The following KCNK9 variants were observed in gnomAD, a reference collection of about 807,000 sequenced individuals.
KCNK9 encodes potassium channel subfamily K member 9.
KCNK9 carries 1 observed loss-of-function variant against 10.8 expected under a neutral mutation model. The ratio of observed to expected loss-of-function variants is 0.09; its 90% CI spans 0.03 to 0.44. The LOEUF (loss-of-function observed/expected upper bound fraction) is 0.44, where lower values mean the gene tolerates loss of function less well. KCNK9 is among the 20% of genes least tolerant of loss of function. The probability of loss-of-function intolerance (pLI) is 0.97; values close to 1 mark genes in which losing one functional copy is unlikely to be tolerated. For synonymous variants in KCNK9, 231 were observed against 222.7 expected (o/e 1.04, Z -0.33); for missense variants, 303 against 515.0 (o/e 0.59, Z 3.98).
intron 1 of KCNK9, among the ~76,000 whole-genome samples, chr8:139,626,391 C>A (rs1814976689): frequency 6.6e-6 from 1 of 152,188 alleles, no homozygotes; most frequent in African/African-American, 2.4e-5. Flanking sequence ...AATGCCCAGG[C>A]CATTACCCCG....
At chr8:139,602,325 T>A (rs1221136688) in intron 2 of KCNK9, among the ~76,000 whole-genome samples, 1 of 152,228 alleles carries the variant, frequency 6.6e-6, no homozygotes, top group African/African-American at 2.4e-5. Context: ...GAAAACGGAT[T>A]GATCAGATTT....
chr8:139,604,892 A>G (rs1009057198), intron 2 of KCNK9, among the ~76,000 whole-genome samples: 1 of 152,096 alleles, frequency 6.6e-6, no homozygotes, highest in Non-Finnish European at 1.5e-5. Flanking sequence ...ACCTGTGGCC[A>G]TGGTCTGCTT....
chr8:139,682,241 T>G (rs1161229074), intron 1 of KCNK9, among the ~76,000 whole-genome samples: 1 of 152,192 alleles, frequency 6.6e-6, no homozygotes, highest in Non-Finnish European at 1.5e-5. Flanking sequence ...GTGAAAGCTG[T>G]CCCATTTCCA....
intron 1 of KCNK9, among the ~76,000 whole-genome samples, chr8:139,679,211 G>A (rs1473178017): frequency 6.6e-6 from 1 of 152,242 alleles, no homozygotes; most frequent in African/African-American, 2.4e-5. Context: ...GCCTATGGAA[G>A]TGATGCCAGG....
chr8:139,652,641 G>A (rs1815902977), intron 1 of KCNK9, among the ~76,000 whole-genome samples: 1 of 152,306 alleles, frequency 6.6e-6, no homozygotes, highest in South Asian at 2.1e-4. Context: ...ATGGTTATTT[G>A]TTCTGCCTTC....
chr8:139,603,113 G>A (rs191825071), intron 2 of KCNK9, among the ~76,000 whole-genome samples: 1 of 152,164 alleles, frequency 6.6e-6, no homozygotes, highest in African/African-American at 2.4e-5. Flanking sequence ...ACATGATGGA[G>A]GAACAAACCA....
chr8:139,681,620 G>T (rs1383877909), intron 1 of KCNK9, among the ~76,000 whole-genome samples: 1 of 152,222 alleles, frequency 6.6e-6, no homozygotes, highest in Non-Finnish European at 1.5e-5. Context: ...GTGCTGAGGG[G>T]CTGCAGGTGG....
downstream of KCNK9, among the ~76,000 whole-genome samples, chr8:139,613,315 T>C (rs190554506): frequency 6.6e-6 from 1 of 152,152 alleles, no homozygotes; most frequent in Non-Finnish European, 1.5e-5. Flanking sequence ...ACATAGAAGG[T>C]CAGTGTGGGG....
chr8:139,600,980 A>T (rs1043330475), downstream of KCNK9: 1 of 152,146 alleles, frequency 6.6e-6, no homozygotes, highest in African/African-American at 2.4e-5. Context: ...CAGCGAGGGT[A>T]AGCAGCAGGA....
intron 1 of KCNK9, among the ~76,000 whole-genome samples, chr8:139,671,251 C>T (rs1816419294): frequency 6.6e-6 from 1 of 152,324 alleles, no homozygotes; most frequent in Non-Finnish European, 1.5e-5. Context: ...GGCACATCCC[C>T]CTTTCTTTCC....
chr8:139,656,763 G>A (rs1489892131), intron 1 of KCNK9, among the ~76,000 whole-genome samples: 1 of 151,872 alleles, frequency 6.6e-6, no homozygotes, highest in African/African-American at 2.4e-5. Flanking sequence ...GCCTAGCCCA[G>A]GCCACCGTGA....
chr8:139,604,121 C>A (rs1378721878), intron 2 of KCNK9, among the ~76,000 whole-genome samples: 1 of 152,214 alleles, frequency 6.6e-6, no homozygotes, highest in Non-Finnish European at 1.5e-5. Flanking sequence ...GAGAAGGATG[C>A]AAGAGCCTCC....
intron 1 of KCNK9, among the ~76,000 whole-genome samples, chr8:139,648,341 A>T (rs915641975): frequency 6.6e-6 from 1 of 152,208 alleles, no homozygotes; most frequent in Non-Finnish European, 1.5e-5. Flanking sequence ...TTGGAACTAC[A>T]CAGAGGTGAT....
At chr8:139,666,422 GT>G (rs1816302228) in intron 1 of KCNK9, among the ~76,000 whole-genome samples, 1 of 152,256 alleles carries the variant, frequency 6.6e-6, no homozygotes, top group Non-Finnish European at 1.5e-5. Flanking sequence ...AGCCTCTCGG[GT>G]TTAAATGAGT....
chr8:139,668,778 A>AT (rs1816359796), intron 1 of KCNK9, among the ~76,000 whole-genome samples: 1 of 152,142 alleles, frequency 6.6e-6, no homozygotes, highest in Non-Finnish European at 1.5e-5. Context: ...GACTCCCTTT[A>AT]TTGCAATCTT....
In KCNK9 at chr8:139,702,705, C is replaced by T. The variant is rs774239752; in HGVS notation, c.283+5G>A. 6 of 1,606,220 alleles carry T rather than the reference C, an allele frequency of 3.7e-6. No individual in the cohort carries two copies. Among genetic ancestry groups the T allele is most frequent in the South Asian group, 1.1e-5 (1 of 90,490 alleles). On this transcript the variant is annotated splice_donor_5th_base_variant and intron_variant, in intron 1 of 1. Transcript: ENST00000520439. The surrounding 1 kb of genome is among the most constrained non-coding windows in gnomAD (Gnocchi z 7.5). The stretch of plus-strand genomic sequence containing the variant: ...CGGGAGCCCAGCGGCGCGCCCAGCC[C>T]TTACCTATGGTGGTGATGACCGTGA...
At position 139,617,924 on chromosome 8, in the gene KCNK9, C is replaced by A. The variant is rs1814650075; in HGVS notation, c.*334G>T. The stretch of plus-strand genomic sequence containing the variant: ...TCAGCTCTGTCTCCGTGGTCTTGGT[C>A]TCACATCTGTCCCGGGAAAACCACT... On this transcript the variant is annotated 3_prime_UTR_variant, in exon 2 of 2. Coordinates refer to ENST00000520439, the MANE Select transcript of KCNK9 (RefSeq NM_001282534.2). 8.4e-6 allele frequency: 3 copies of A among 355,124 alleles called. No homozygotes were observed. Among genetic ancestry groups the A allele is most frequent in the Non-Finnish European group, 1.6e-5 (3 of 187,088 alleles). The allele number at this position is 355,124 out of a possible 1,614,324, so 22.0% of individuals were successfully genotyped here. A position where few individuals can be genotyped will look rare whatever the true frequency, so the allele number is the denominator to read the frequency against.
chr8:139,670,150 G>A (rs1209610688), intron 1 of KCNK9, among the ~76,000 whole-genome samples: 1 of 152,186 alleles, frequency 6.6e-6, no homozygotes, highest in Non-Finnish European at 1.5e-5. Flanking sequence ...GGGAATGGCT[G>A]GTGGGTGGAG....
chr8:139,657,529 T>C (rs1032314428), intron 1 of KCNK9, among the ~76,000 whole-genome samples: 72 of 152,072 alleles, frequency 4.7e-4, no homozygotes, highest in Non-Finnish European at 2.9e-5. Flanking sequence ...CCTGTGAGCT[T>C]CCGGCACTGG....
Sources: gnomAD v4.1 joint callset for allele counts (sites outside exome capture counted in the v4.1 genomes callset) on GRCh38, gnomAD v4.1.1 for gene constraint, Gnocchi (gnomAD v3.1) non-coding constraint, MANE v1.5 for transcripts, NCBI Gene and HGNC (gene_info 2026-07-23, HGNC 2026-07-21) for gene names.